WIF1: variants seen among roughly 807,000 people sequenced by gnomAD.
WIF1 encodes the protein Wnt inhibitory factor 1.
WIF1 carries 35 observed loss-of-function variants against 53.5 expected under a neutral mutation model. The observed-to-expected ratio is 0.65, with a 90% confidence interval of 0.50 to 0.87. The LOEUF (loss-of-function observed/expected upper bound fraction) is 0.87, where lower values mean the gene tolerates loss of function less well. Among genes scored for constraint, WIF1 ranks in the 40% least tolerant of loss-of-function variants. The probability of loss-of-function intolerance (pLI) is 0.00; values close to 1 mark genes in which losing one functional copy is unlikely to be tolerated. For missense variants in WIF1, 467 were observed against 476.8 expected (o/e 0.98, Z 0.19); for synonymous variants, 171 against 170.4 (o/e 1.00, Z -0.03).
Position 65,110,632 on chromosome 12 carries a change from C to T in WIF1, c.288+9785G>A, listed in dbSNP as rs527602934. Reference sequence around the variant, plus strand: ...GTGTGACCCTGGTCGTCTGTGCCTCCGTTGCCTTATCTGTCCAAAGGGAAT... The same window carrying T: ...GTGTGACCCTGGTCGTCTGTGCCTCTGTTGCCTTATCTGTCCAAAGGGAAT... On this transcript the variant is annotated intron_variant, in intron 2 of 9. Transcript: ENST00000286574. Among the ~76,000 whole-genome samples the T allele has an allele frequency of 6.6e-5, 10 of 152,072 alleles. No homozygotes were observed. In the South Asian group the frequency reaches 1.7e-3, roughly 25 times the overall value.
At chr12:65,094,896 T>C (rs1393610018) in intron 2 of WIF1, among the ~76,000 whole-genome samples, 1 of 147,490 alleles carries the variant, frequency 6.8e-6, no homozygotes, top group Non-Finnish European at 1.5e-5. Flanking sequence ...CTCCTTCCTC[T>C]TCTTCTTATT....
intron 3 of WIF1, among the ~76,000 whole-genome samples, chr12:65,074,727 G>A (rs1433465921): frequency 1.5e-5 from 2 of 130,848 alleles, no homozygotes; most frequent in Non-Finnish European, 3.1e-5. Flanking sequence ...CTGAGGTGAA[G>A]AATCACTTTA....
intron 3 of WIF1, among the ~76,000 whole-genome samples, chr12:65,073,717 C>T (rs1343892775): frequency 6.6e-6 from 1 of 152,172 alleles, no homozygotes; most frequent in Non-Finnish European, 1.5e-5. Flanking sequence ...GATTTGGTTA[C>T]TTTTTAATAA....
intron 3 of WIF1, among the ~76,000 whole-genome samples, chr12:65,072,437 G>T (rs1309590837): frequency 6.6e-6 from 1 of 152,114 alleles, no homozygotes; most frequent in Non-Finnish European, 1.5e-5. Flanking sequence ...ATTATGGTTT[G>T]CATCCTTTGT....
intron 2 of WIF1, among the ~76,000 whole-genome samples, chr12:65,097,082 C>G (rs1420712497): frequency 6.6e-6 from 1 of 150,426 alleles, no homozygotes; most frequent in African/African-American, 2.4e-5. Flanking sequence ...ATCAGCAAGG[C>G]TGATGTAATC....
chr12:65,051,542 T>G (rs572799415), intron 9 of WIF1, 72 bp from the exon 10 acceptor site: 1 of 1,434,686 alleles, frequency 7.0e-7, no homozygotes, highest in African/African-American at 1.4e-5. Flanking sequence ...TATTAACCAT[T>G]CAAATGAAAT....
chr12:65,090,252 T>C (rs779747569), intron 2 of WIF1, among the ~76,000 whole-genome samples: 14 of 152,030 alleles, frequency 9.2e-5, no homozygotes, highest in African/African-American at 3.4e-4. Context: ...GGGGAGAATG[T>C]GGGTGAAGTC....
chr12:65,105,115 G>A (rs1019520439), intron 2 of WIF1, among the ~76,000 whole-genome samples: 5 of 152,114 alleles, frequency 3.3e-5, no homozygotes, highest in Non-Finnish European at 5.9e-5. Flanking sequence ...GATGTGACCA[G>A]GAGAATAGGA....
intron 3 of WIF1, among the ~76,000 whole-genome samples, chr12:65,076,933 T>C (rs990899608): frequency 1.3e-5 from 2 of 151,750 alleles, no homozygotes; most frequent in African/African-American, 4.8e-5. Context: ...CAAATATATA[T>C]TATCACAAAT....
chr12:65,101,334 C>G (rs1883279650), intron 2 of WIF1, among the ~76,000 whole-genome samples: 2 of 152,102 alleles, frequency 1.3e-5, no homozygotes, highest in South Asian at 2.1e-4. Context: ...GAATAAATGT[C>G]ATGAATATCT....
intron 9 of WIF1, 67 bp downstream of exon 9, chr12:65,055,051 C>T (rs1882502145): frequency 1.3e-6 from 2 of 1,529,630 alleles, no homozygotes; most frequent in African/African-American, 1.4e-5. Context: ...GGCCCTTCTT[C>T]TGGTCTCCCA....
At chr12:65,062,914 T>A (rs1218488592) in intron 6 of WIF1, among the ~76,000 whole-genome samples, 4 of 152,114 alleles carry the variant, frequency 2.6e-5, no homozygotes, top group Non-Finnish European at 4.4e-5. Context: ...CCTAAGGATT[T>A]TTTTTGTAAA....
intron 2 of WIF1, among the ~76,000 whole-genome samples, chr12:65,097,759 C>T (rs1189764760): frequency 2.0e-5 from 3 of 152,192 alleles, no homozygotes; most frequent in African/African-American, 7.2e-5. Context: ...TTCCACAGAA[C>T]TCTTTCTGTT....
At chr12:65,088,684 C>T (rs1883078766) in intron 2 of WIF1, among the ~76,000 whole-genome samples, 1 of 152,010 alleles carries the variant, frequency 6.6e-6, no homozygotes, top group Non-Finnish European at 1.5e-5. Flanking sequence ...AGTAACTTCT[C>T]CTTCTCTTCT....
At chr12:65,096,352 A>C (rs1322644670) in intron 2 of WIF1, among the ~76,000 whole-genome samples, 1 of 152,226 alleles carries the variant, frequency 6.6e-6, no homozygotes. Context: ...AGTCATTAAA[A>C]AGTCTAGAAA....
intron 2 of WIF1, among the ~76,000 whole-genome samples, chr12:65,094,202 A>G (rs1300722862): frequency 6.6e-6 from 1 of 152,202 alleles, no homozygotes; most frequent in Non-Finnish European, 1.5e-5. Flanking sequence ...GGAAAGTCTG[A>G]AAGGACAAAT....
chr12:65,101,432 A>G (rs1011727551), intron 2 of WIF1, among the ~76,000 whole-genome samples: 1 of 152,188 alleles, frequency 6.6e-6, no homozygotes, highest in Non-Finnish European at 1.5e-5. Context: ...TATAACTCCT[A>G]AAGTCTGTTT....
At chr12:65,115,933 T>A (rs2136296116) in intron 2 of WIF1, among the ~76,000 whole-genome samples, 1 of 152,340 alleles carries the variant, frequency 6.6e-6, no homozygotes, top group South Asian at 2.1e-4. Context: ...ATCATTTTGT[T>A]GAGTGATAAG....
At chr12:65,111,747 T>A (rs1460170829) in intron 2 of WIF1, among the ~76,000 whole-genome samples, 1 of 152,220 alleles carries the variant, frequency 6.6e-6, no homozygotes, top group Non-Finnish European at 1.5e-5. Flanking sequence ...AATCATGTTT[T>A]ACCCCCAAGG....
Sources: gnomAD v4.1 joint callset for allele counts (sites outside exome capture counted in the v4.1 genomes callset) on GRCh38, gnomAD v4.1.1 for gene constraint, MANE v1.5 for transcripts, NCBI Gene and HGNC (gene_info 2026-07-23, HGNC 2026-07-21) for gene names.